The following IFT25 variants were observed in gnomAD, a reference collection of about 807,000 sequenced individuals.
The protein encoded by IFT25 is intraflagellar transport protein 25 homolog.
chr1:53,918,339 C>A, the IFT25 span, among the ~76,000 whole-genome samples: 21 of 152,148 alleles, frequency 1.4e-4, no homozygotes, highest in Non-Finnish European at 2.2e-4. Flanking sequence ...TTGAGGAGCC[C>A]TGCTACCTGT....
At chr1:53,926,757 C>T in the IFT25 span, among the ~76,000 whole-genome samples, 1 of 150,868 alleles carries the variant, frequency 6.6e-6, no homozygotes, top group African/African-American at 2.4e-5. Context: ...GGGTCTTGCT[C>T]TGTCACCCAG....
the IFT25 span, among the ~76,000 whole-genome samples, chr1:53,931,505 T>G: frequency 1.3e-5 from 2 of 152,228 alleles, no homozygotes; most frequent in Non-Finnish European, 2.9e-5. Context: ...TGTGGAAGAC[T>G]GGTATTTCTT....
the IFT25 span, among the ~76,000 whole-genome samples, chr1:53,913,770 C>G: frequency 0.074 from 11,199 of 152,144 alleles, 447 homozygotes; most frequent in Middle Eastern, 0.1. Flanking sequence ...AAGGGTGTGG[C>G]CTTGATAAGA....
the IFT25 span, among the ~76,000 whole-genome samples, chr1:53,937,914 A>G: frequency 6.6e-6 from 1 of 152,204 alleles, no homozygotes; most frequent in Non-Finnish European, 1.5e-5. Context: ...AACTAAGAAG[A>G]AGAAAGAAGG....
the IFT25 span, among the ~76,000 whole-genome samples, chr1:53,915,122 G>A: frequency 1.7e-3 from 253 of 152,250 alleles, no homozygotes; most frequent in Middle Eastern, 0.014. Flanking sequence ...AGATATAGGC[G>A]TGCAAATAAA....
the IFT25 span, among the ~76,000 whole-genome samples, chr1:53,919,816 G>A: frequency 3.3e-4 from 49 of 148,440 alleles, no homozygotes; most frequent in African/African-American, 1.2e-3. Context: ...TTGAGACAGG[G>A]TTTTGCTCTG....
the IFT25 span, chr1:53,921,650 A>T: frequency 7.1e-6 from 11 of 1,550,748 alleles, no homozygotes; most frequent in Non-Finnish European, 9.8e-6. Flanking sequence ...TTTTGTTATC[A>T]TTATGAGGAA....
chr1:53,917,187 A>C, the IFT25 span: 1 of 152,056 alleles, frequency 6.6e-6, no homozygotes, highest in Non-Finnish European at 1.5e-5. Flanking sequence ...TCAAAAAAAA[A>C]AAATAAATAA....
the IFT25 span, chr1:53,930,055 T>TACCAAAGTA: frequency 6.4e-7 from 1 of 1,565,616 alleles, no homozygotes; most frequent in Non-Finnish European, 8.6e-7. Flanking sequence ...AACTTTGGAT[T>TACCAAAGTA]ACAAGCCTTT....
At chr1:53,937,455 T>C in the IFT25 span, among the ~76,000 whole-genome samples, 1 of 152,184 alleles carries the variant, frequency 6.6e-6, no homozygotes, top group East Asian at 1.9e-4. Flanking sequence ...TACAGTCTAA[T>C]TATATTTTCT....
the IFT25 span, among the ~76,000 whole-genome samples, chr1:53,936,708 T>C: frequency 6.6e-6 from 1 of 152,196 alleles, no homozygotes; most frequent in African/African-American, 2.4e-5. Context: ...CCAGGAATTT[T>C]AATTCTAAAT....
At chr1:53,936,407 GC>G in the IFT25 span, among the ~76,000 whole-genome samples, 1 of 152,196 alleles carries the variant, frequency 6.6e-6, no homozygotes, top group African/African-American at 2.4e-5. Flanking sequence ...CCGAGATTGT[GC>G]CACTGCACTC....
At chr1:53,933,082 A>T in the IFT25 span, among the ~76,000 whole-genome samples, 3 of 151,790 alleles carry the variant, frequency 2.0e-5, no homozygotes, top group Non-Finnish European at 4.4e-5. Flanking sequence ...TGTAGTTTAA[A>T]GAACTATTAT....
the IFT25 span, among the ~76,000 whole-genome samples, chr1:53,926,896 A>T: frequency 6.6e-6 from 1 of 150,382 alleles, no homozygotes; most frequent in South Asian, 2.1e-4. Context: ...CTAATTTTTA[A>T]TTTTTTTTTG....
the IFT25 span, among the ~76,000 whole-genome samples, chr1:53,920,393 CT>C: frequency 0.028 from 3,856 of 135,960 alleles, 108 homozygotes; most frequent in African/African-American, 0.096. Context: ...TCAAATTGCC[CT>C]TTTTTTTTTT....
chr1:53,928,426 T>A, the IFT25 span: 1 of 1,611,684 alleles, frequency 6.2e-7, no homozygotes, highest in Non-Finnish European at 8.5e-7. Flanking sequence ...CTTTTTTCAA[T>A]CTTCAAGGTC....
At chr1:53,920,277 A>C in the IFT25 span, among the ~76,000 whole-genome samples, 3 of 152,144 alleles carry the variant, frequency 2.0e-5, no homozygotes, top group African/African-American at 7.2e-5. Context: ...ATGGAGTCCA[A>C]TGAGGGTTTT....
At chr1:53,938,824 C>T in the IFT25 span, among the ~76,000 whole-genome samples, 1 of 152,162 alleles carries the variant, frequency 6.6e-6, no homozygotes, top group Non-Finnish European at 1.5e-5. Context: ...CCTGTAATCT[C>T]AGCATTTTGA....
chr1:53,927,841 T>C, the IFT25 span, among the ~76,000 whole-genome samples: 1 of 152,236 alleles, frequency 6.6e-6, no homozygotes, highest in South Asian at 2.1e-4. Context: ...TATCATAATA[T>C]ACACTGATCT....
Sources: gnomAD v4.1 joint callset for allele counts (sites outside exome capture counted in the v4.1 genomes callset) on GRCh38, gnomAD v4.1.1 for gene constraint, MANE v1.5 for transcripts, NCBI Gene and HGNC (gene_info 2026-07-23, HGNC 2026-07-21) for gene names.